Variants in MED1 observed in about 807,000 individuals in gnomAD.
MED1 encodes the protein mediator complex subunit 1.
A neutral mutation model predicts 121.3 loss-of-function variants in MED1; 17 were observed. That is an observed-to-expected ratio of 0.14 (90% CI 0.10 to 0.21). MED1 has a LOEUF of 0.21. Among genes scored for constraint, MED1 ranks in the 10% least tolerant of loss-of-function variants. The pLI is 1.00. For missense variants in MED1, 1,558 were observed against 1,919.4 expected, an observed-to-expected ratio of 0.81 and a Z score of 3.52; for synonymous variants, 661 against 694.4, an observed-to-expected ratio of 0.95 and a Z score of 0.76.
At chr17:39,428,319 C>T (rs2048533999) in intron 9 of MED1, among the ~76,000 whole-genome samples, 1 of 152,062 alleles carries the variant, frequency 6.6e-6, no homozygotes, top group Non-Finnish European at 1.5e-5. Flanking sequence ...CCCATCTTGA[C>T]TAAAAATACA....
In MED1 at chr17:39,408,651, G is replaced by C. The variant is rs1163130165; in HGVS notation, c.3570C>G (p.Asn1190Lys). Residue 1190 changes from asparagine to lysine, a missense_variant, in exon 17 of 17, where the codon AAC (asparagine) becomes AAG (lysine). Asn to Lys is a moderately conservative substitution (Grantham distance 94). Around this residue, in one of 5 missense-constraint regions of MED1, gnomAD observed 793 missense variants for 898.2 expected, o/e 0.88. Transcript: ENST00000300651. The surrounding 1 kb of genome is among the most constrained non-coding windows in gnomAD (Gnocchi z 4.7). ...GTGGCCTTGAATGAGAAGGGGATAT[G>C]TTTGGTTTACTTAAAGAAGGATTCA... is the stretch of plus-strand genomic sequence containing the variant. ...SLMNPSLSKP[N>K]ISPSHSRPPG... 9 of 1,614,052 alleles carry C rather than the reference G, an allele frequency of 5.6e-6. No individual in the cohort carries two copies. The highest frequency in any genetic ancestry group is 2.7e-5 in the African/African-American group (2 of 74,932).
chr17:39,431,908 G>T, intron 8 of MED1, 34 bp downstream of exon 8: 1 of 1,473,970 alleles, frequency 6.8e-7, no homozygotes, highest in Non-Finnish European at 9.5e-7. Flanking sequence ...AAAACTCAAG[G>T]GATCATGTAG....
chr17:39,419,628 A>T, intron 14 of MED1, 89 bp downstream of exon 14: 1 of 1,343,994 alleles, frequency 7.4e-7, no homozygotes, highest in Non-Finnish European at 1.0e-6. Flanking sequence ...TTTAAGTTCT[A>T]CAGGTGATTC....
In MED1 at chr17:39,434,127, C is replaced by T. The variant is rs999960944; in HGVS notation, c.500+122G>A. On this transcript the variant is annotated intron_variant, in intron 7 of 16. Transcript: ENST00000300651. Reference sequence around the variant, plus strand: ...ATGTTGGAAGCTGAGCTACAGATTGCAGTATAAGTAGAAACTAGGAGTGAC... The same window carrying T: ...ATGTTGGAAGCTGAGCTACAGATTGTAGTATAAGTAGAAACTAGGAGTGAC... 1.4e-5 allele frequency: 9 copies of T among 626,140 alleles called. 1 individual carries two copies. In the Admixed American group the frequency reaches 3.4e-4, roughly 24 times the overall value. The allele number at this position is 626,140 out of a possible 1,614,324, so 38.8% of individuals were successfully genotyped here.
chr17:39,420,667 T>G (rs924104966), intron 13 of MED1, among the ~76,000 whole-genome samples: 2 of 151,890 alleles, frequency 1.3e-5, no homozygotes, highest in Admixed American at 6.6e-5. Flanking sequence ...AGGGTTTCAC[T>G]CCCATTACCC....
At chr17:39,447,992 T>C in intron 1 of MED1, 88 bp from the exon 2 acceptor site, 2 of 821,480 alleles carry the variant, frequency 2.4e-6, no homozygotes, top group Non-Finnish European at 4.0e-6. Context: ...CCACACTTCA[T>C]CACAGTAAGA....
At chr17:39,439,252 T>C in intron 5 of MED1, 59 bp from the exon 6 acceptor site, 6 of 1,350,122 alleles carry the variant, frequency 4.4e-6, no homozygotes, top group South Asian at 1.3e-5. Context: ...TTTGAAGATA[T>C]CAAAAGCCTT....
At chr17:39,435,468 T>C (rs1352326655) in intron 6 of MED1, among the ~76,000 whole-genome samples, 4 of 151,946 alleles carry the variant, frequency 2.6e-5, no homozygotes, top group Admixed American at 2.6e-4. Context: ...TTCTAACTCT[T>C]GATATCTTTT....
At chr17:39,412,216 A>G (rs2048362429) in intron 16 of MED1, among the ~76,000 whole-genome samples, 1 of 151,004 alleles carries the variant, frequency 6.6e-6, no homozygotes, top group South Asian at 2.1e-4. Flanking sequence ...ATATGTCAGC[A>G]AATTTTTTTT....
chr17:39,405,046 T>A lies in MED1; in HGVS notation c.*2429A>T, dbSNP rs1391632708. On this transcript the variant is annotated 3_prime_UTR_variant, in exon 17 of 17. Transcript: ENST00000300651. ...ACCAGCAGCAGAAGATAGGTAGAAGTTGACTTCATGTCCTTGCCTTCTTTT... is the reference window on the plus strand; with the variant it reads ...ACCAGCAGCAGAAGATAGGTAGAAGATGACTTCATGTCCTTGCCTTCTTTT... 1.5e-6 allele frequency: 1 copy of A among 645,584 alleles called. No individual in the cohort carries two copies. Among genetic ancestry groups the A allele is most frequent in the Non-Finnish European group, 2.4e-6 (1 of 408,182 alleles). The allele number at this position is 645,584 out of a possible 1,614,324, so 40.0% of individuals were successfully genotyped here.
intron 6 of MED1, 25 bp from the exon 7 acceptor site, chr17:39,434,345 G>C: frequency 2.4e-6 from 3 of 1,241,770 alleles, no homozygotes; most frequent in Non-Finnish European, 3.4e-6. Context: ...GGGAAGAGGG[G>C]AAAGAGAGGA....
intron 13 of MED1, among the ~76,000 whole-genome samples, chr17:39,422,387 A>G (rs947416879): frequency 1.4e-5 from 2 of 144,730 alleles, no homozygotes; most frequent in African/African-American, 5.2e-5. Flanking sequence ...GATGCTCTCG[A>G]TCTCTTGACC....
intron 7 of MED1, among the ~76,000 whole-genome samples, chr17:39,433,515 T>C (rs1190294701): frequency 6.8e-6 from 1 of 147,114 alleles, no homozygotes; most frequent in Non-Finnish European, 1.5e-5. Context: ...TTAAAATAAA[T>C]TTTTTTTGTT....
chr17:39,437,330 G>A (rs574196753), intron 6 of MED1, among the ~76,000 whole-genome samples: 5 of 152,156 alleles, frequency 3.3e-5, no homozygotes, highest in Non-Finnish European at 7.4e-5. Context: ...TGCTCACTTC[G>A]ACCTCCCAAA....
chr17:39,424,479 A>AC (rs1597862080), intron 11 of MED1, 148 bp downstream of exon 11: 1 of 596,398 alleles, frequency 1.7e-6, no homozygotes, highest in Non-Finnish European at 2.9e-6. Context: ...GAACACTCAG[A>AC]TATCAAACAA....
At chr17:39,446,507 C>T (rs1011170628) in intron 2 of MED1, among the ~76,000 whole-genome samples, 2 of 148,898 alleles carry the variant, frequency 1.3e-5, no homozygotes, top group Admixed American at 6.8e-5. Flanking sequence ...GCTGGGCAGC[C>T]GGGCACAGTG....
In MED1 at chr17:39,406,040, G is replaced by T. The variant is rs2048300628; in HGVS notation, c.*1435C>A. On this transcript the variant is annotated 3_prime_UTR_variant, in exon 17 of 17. Transcript: ENST00000300651. Reference sequence around the variant, plus strand: ...ATCAAAGTAAGGCCGCAGAATTTTTGAGAGGACCCTCCAAATACTGAGAAC... The same window carrying T: ...ATCAAAGTAAGGCCGCAGAATTTTTTAGAGGACCCTCCAAATACTGAGAAC... 1.0e-6 allele frequency: 1 copy of T among 985,316 alleles called. No homozygotes were observed. The highest frequency in any genetic ancestry group is 4.7e-5 in the South Asian group (1 of 21,288). 61.0% of individuals were successfully genotyped at this position (985,316 alleles called of 1,614,324 possible). A position where few individuals can be genotyped will look rare whatever the true frequency, so the allele number is the denominator to read the frequency against.
chr17:39,443,655 G>A (rs985109092), intron 2 of MED1, 27 bp from the exon 3 acceptor site: 2 of 1,585,964 alleles, frequency 1.3e-6, no homozygotes, highest in Non-Finnish European at 1.7e-6. Context: ...AACATTTGAG[G>A]TGAAAATTAA....
chr17:39,451,063 C>G lies in MED1; in HGVS notation c.-1G>C. 1 of 1,611,120 alleles carries G rather than the reference C, an allele frequency of 6.2e-7. No individual in the cohort carries two copies. Among genetic ancestry groups the G allele is most frequent in the South Asian group, 1.1e-5 (1 of 90,466 alleles). The stretch of plus-strand genomic sequence containing the variant: ...CCTCGGTTTCCCCCTGAGCTTTCAT[C>G]CTGAAGGCGAGGAGAAGCTAGATCC... On this transcript the variant is annotated 5_prime_UTR_variant, in exon 1 of 17. Coordinates refer to ENST00000300651, the MANE Select transcript of MED1 (RefSeq NM_004774.4).
Sources: gnomAD v4.1 joint callset for allele counts (sites outside exome capture counted in the v4.1 genomes callset) on GRCh38, gnomAD v4.1.1 for gene constraint, gnomAD v4.1.1 regional missense constraint, Gnocchi (gnomAD v3.1) non-coding constraint, MANE v1.5 for transcripts, NCBI Gene and HGNC (gene_info 2026-07-23, HGNC 2026-07-21) for gene names.